The following TSGA10 variants were observed in gnomAD, a reference collection of about 807,000 sequenced individuals.
TSGA10 encodes testis specific 10.
In TSGA10, 43 loss-of-function variants were observed where a neutral mutation model predicts 96.6. The ratio of observed to expected loss-of-function variants is 0.44; its 90% CI spans 0.35 to 0.57. TSGA10 has a LOEUF of 0.57. Among genes scored for constraint, TSGA10 ranks in the 20% least tolerant of loss-of-function variants. The probability of loss-of-function intolerance (pLI) is 0.01; values close to 1 mark genes in which losing one functional copy is unlikely to be tolerated. For synonymous variants in TSGA10, 229 were observed against 269.9 expected (o/e 0.85, Z 1.48); for missense variants, 703 against 834.4 (o/e 0.84, Z 1.94).
In TSGA10 at chr2:99,068,947, GT is replaced by G; in HGVS notation, c.1158del (p.Lys386AsnfsTer14). 1 of 1,476,432 alleles carries G rather than the reference GT, an allele frequency of 6.8e-7. No homozygotes were observed. 91.5% of individuals were successfully genotyped at this position (1,476,432 alleles called of 1,614,324 possible). On this transcript the variant is annotated frameshift_variant, in exon 15 of 21. Transcript: ENST00000393483. LOFTEE classifies it high-confidence loss of function. Reference sequence around the variant, plus strand: ...TCCAAATTAGTATCTTGAACCTTCTGTTTTATGTCATTAAGTTCATTATGAG... The same window carrying G: ...TCCAAATTAGTATCTTGAACCTTCTGTTTATGTCATTAAGTTCATTATGAG... ...NDTHNELNDI[K>X]QKVQDTNLEV... is the part of the protein sequence containing the mutation.
rs539213312 is a variant in TSGA10 at position 99,110,887 on chromosome 2, A to G, written c.-111T>C. Reference sequence around the variant, plus strand: ...TTTTATTGTATCTTCCAATACTATAATATTATTTTGCTGGCAAATGAGATC... The same window carrying G: ...TTTTATTGTATCTTCCAATACTATAGTATTATTTTGCTGGCAAATGAGATC... On this transcript the variant is annotated 5_prime_UTR_variant, in exon 5 of 21. Coordinates refer to ENST00000393483, the MANE Select transcript of TSGA10 (RefSeq NM_025244.4). The G allele has an allele frequency of 7.8e-6, 6 of 767,318 alleles. No individual in the cohort carries two copies. The highest frequency in any genetic ancestry group is 1.3e-4 in the East Asian group (1 of 7,828). 47.5% of individuals were successfully genotyped at this position (767,318 alleles called of 1,614,324 possible). A position where few individuals can be genotyped will look rare whatever the true frequency, so the allele number is the denominator to read the frequency against.
intron 15 of TSGA10, among the ~76,000 whole-genome samples, chr2:99,067,698 C>G (rs1257021610): frequency 2.0e-5 from 3 of 152,058 alleles, no homozygotes; most frequent in Non-Finnish European, 2.9e-5. Context: ...ACTAAAAATA[C>G]AAAAATTAGC....
chr2:99,096,367 G>A (rs1269931486), intron 10 of TSGA10, among the ~76,000 whole-genome samples: 1 of 152,136 alleles, frequency 6.6e-6, no homozygotes, highest in Non-Finnish European at 1.5e-5. Context: ...GCTTTCAATG[G>A]CATGAAACAT....
chr2:99,009,364 G>C (rs1256067133), intron 20 of TSGA10, among the ~76,000 whole-genome samples: 3 of 151,774 alleles, frequency 2.0e-5, no homozygotes, highest in African/African-American at 7.3e-5. Context: ...CTGTTCAGGA[G>C]ATCGAGACCA....
intron 20 of TSGA10, among the ~76,000 whole-genome samples, chr2:99,005,137 G>A (rs1324650204): frequency 3.3e-5 from 5 of 152,078 alleles, no homozygotes; most frequent in Admixed American, 2.0e-4. Flanking sequence ...TTGATGGGAC[G>A]TATCTCAAAA....
intron 10 of TSGA10, among the ~76,000 whole-genome samples, chr2:99,091,293 T>A (rs2089296058): frequency 6.6e-6 from 1 of 152,104 alleles, no homozygotes; most frequent in Non-Finnish European, 1.5e-5. Context: ...AAACAAATCC[T>A]CAATATACAT....
rs144580707 is a variant in TSGA10, at chr2:99,080,494, T to C, written c.727+788A>G. Among the ~76,000 whole-genome samples, 1,010 of 152,318 alleles carry C rather than the reference T, an allele frequency of 6.6e-3. 14 individuals carry two copies. Among genetic ancestry groups the C allele is most frequent in the African/African-American group, 0.024 (978 of 41,564 alleles). On this transcript the variant is annotated intron_variant, in intron 11 of 20. Coordinates refer to ENST00000393483, the MANE Select transcript of TSGA10 (RefSeq NM_025244.4). ...TTTATATGCTGATGTGTCCCAAATATGTATCTTTCTCTTCTGAGACACAAA... is the reference window on the plus strand; with the variant it reads ...TTTATATGCTGATGTGTCCCAAATACGTATCTTTCTCTTCTGAGACACAAA...
chr2:99,109,347 G>T, intron 6 of TSGA10, 42 bp downstream of exon 6: 1 of 1,588,690 alleles, frequency 6.3e-7, no homozygotes, highest in South Asian at 1.1e-5. Flanking sequence ...GCCAGTGTCT[G>T]GGCAACAAAC....
chr2:99,127,207 G>A (rs1409543799), intron 1 of TSGA10, 31 bp from the exon 2 acceptor site: 4 of 1,242,856 alleles, frequency 3.2e-6, no homozygotes, highest in Admixed American at 3.0e-5. Flanking sequence ...TAATACAGAG[G>A]CATTCAGTTT....
chr2:99,105,611 C>A lies in TSGA10; in HGVS notation c.297G>T (p.Arg99=). ...CTACATCTCTTTCAGTCTCCACTCGCCGGAGAATAGCATGTGCCGTTGTTG... is the reference window on the plus strand; with the variant it reads ...CTACATCTCTTTCAGTCTCCACTCGACGGAGAATAGCATGTGCCGTTGTTG... ...PKSTTAHAIL[R]RVETERDVAF... Residue 99 remains arginine, a synonymous_variant, in exon 8 of 21, where the codon CGG becomes CGT. Transcript: ENST00000393483. 1 of 1,610,490 alleles carries A rather than the reference C, an allele frequency of 6.2e-7. No homozygotes were observed. The highest frequency in any genetic ancestry group is 8.5e-7 in the Non-Finnish European group (1 of 1,176,940).
Position 99,018,368 on chromosome 2 carries a change from G to A in TSGA10, c.1923-19C>T. 2 of 1,607,272 alleles carry A rather than the reference G, an allele frequency of 1.2e-6. No homozygotes were observed. Among genetic ancestry groups the A allele is most frequent in the Non-Finnish European group, 1.7e-6 (2 of 1,176,122 alleles). ...CCTCTCCCTAAAGCAAAATAGTGAT[G>A]CTTTAAATTTTATATCCAGCAAAAT... On this transcript the variant is annotated intron_variant, in intron 19 of 20. Transcript: ENST00000393483.
chr2:99,047,159 T>C (rs959267650), intron 16 of TSGA10, among the ~76,000 whole-genome samples: 5 of 152,222 alleles, frequency 3.3e-5, no homozygotes, highest in African/African-American at 1.2e-4. Flanking sequence ...GAGGAGCTGG[T>C]ACCTTTCCTT....
intron 14 of TSGA10, 40 bp downstream of exon 14, chr2:99,071,666 T>A (rs748629868): frequency 3.2e-6 from 5 of 1,573,596 alleles, no homozygotes; most frequent in Non-Finnish European, 4.3e-6. Context: ...AAATTCATAT[T>A]TTTTTTTCTT....
intron 16 of TSGA10, among the ~76,000 whole-genome samples, chr2:99,037,687 A>G (rs1381186475): frequency 6.6e-6 from 1 of 151,974 alleles, no homozygotes; most frequent in African/African-American, 2.4e-5. Context: ...TGTCTCTACT[A>G]AAAATACAAA....
At position 99,020,488 on chromosome 2, in the gene TSGA10, C is replaced by A; in HGVS notation, c.1615-6G>T. 1 of 1,596,636 alleles carries A rather than the reference C, an allele frequency of 6.3e-7. No individual in the cohort carries two copies. The highest frequency in any genetic ancestry group is 1.1e-5 in the South Asian group (1 of 90,120). On this transcript the variant is annotated splice_region_variant and splice_polypyrimidine_tract_variant and intron_variant, in intron 17 of 20. Coordinates refer to ENST00000393483, the MANE Select transcript of TSGA10 (RefSeq NM_025244.4). Reference sequence around the variant, plus strand: ...GAATCTAACTCATTCTCCCTCTGTTCAATAACAAGAAGATATCTACACTTA... The same window carrying A: ...GAATCTAACTCATTCTCCCTCTGTTAAATAACAAGAAGATATCTACACTTA...
chr2:99,008,105 C>T (rs2078665007), intron 20 of TSGA10, among the ~76,000 whole-genome samples: 1 of 151,992 alleles, frequency 6.6e-6, no homozygotes, highest in African/African-American at 2.4e-5. Context: ...TATACAAGTA[C>T]TAAAAGAAAA....
At position 99,103,427 on chromosome 2, in the gene TSGA10, G is replaced by C. The variant is rs143233707; in HGVS notation, c.611+540C>G. Among the ~76,000 whole-genome samples, 337 of 152,256 alleles carry C rather than the reference G, an allele frequency of 2.2e-3. 1 individual carries two copies. Among genetic ancestry groups the C allele is most frequent in the African/African-American group, 7.2e-3 (297 of 41,536 alleles). ...AAAAACTCATTCTCCCAAGCTTATT[G>C]CTGTAGGCTGCTTCAATTGATACAT... On this transcript the variant is annotated intron_variant, in intron 10 of 20. Coordinates refer to ENST00000393483, the MANE Select transcript of TSGA10 (RefSeq NM_025244.4).
intron 16 of TSGA10, among the ~76,000 whole-genome samples, chr2:99,062,238 G>A (rs2084782671): frequency 6.6e-6 from 1 of 151,960 alleles, no homozygotes; most frequent in Non-Finnish European, 1.5e-5. Context: ...AGTGAGCACA[G>A]ATGCTTTTCA....
chr2:99,076,638 G>A (rs184478409), intron 12 of TSGA10, among the ~76,000 whole-genome samples: 221 of 152,132 alleles, frequency 1.5e-3, no homozygotes, highest in African/African-American at 5.1e-3. Flanking sequence ...TCACAGCAGA[G>A]AAGGGACTGT....
Sources: allele counts gnomAD v4.1 joint callset (sites outside exome capture counted in the v4.1 genomes callset), GRCh38; gene constraint gnomAD v4.1.1; transcripts MANE v1.5; gene names NCBI Gene and HGNC (gene_info 2026-07-23, HGNC 2026-07-21).